The following DYNC2I1 variants were observed in gnomAD, a reference collection of about 807,000 sequenced individuals.
DYNC2I1 encodes the protein cytoplasmic dynein 2 intermediate chain 1.
A neutral mutation model predicts 133.4 loss-of-function variants in DYNC2I1; 89 were observed. That is an observed-to-expected ratio of 0.67 (90% CI 0.56 to 0.80). DYNC2I1 has a LOEUF of 0.80. Ranked by LOEUF, DYNC2I1 falls within the 30% of genes least tolerant of loss-of-function variation. The pLI is 0.00. For synonymous variants in DYNC2I1, 504 were observed against 484.3 expected (o/e 1.04, Z -0.54); for missense variants, 1,291 against 1,314.5 (o/e 0.98, Z 0.28).
chr7:158,921,333 G>A (rs553305810), intron 15 of DYNC2I1, among the ~76,000 whole-genome samples: 315 of 152,224 alleles, frequency 2.1e-3, no homozygotes, highest in Non-Finnish European at 3.6e-3. Context: ...GTGGACAGTG[G>A]GAGGTGAGGT....
chr7:158,901,435 G>A (rs1302680489), intron 8 of DYNC2I1, among the ~76,000 whole-genome samples: 1 of 152,150 alleles, frequency 6.6e-6, no homozygotes, highest in Admixed American at 6.5e-5. Context: ...TATATTCATG[G>A]ATAAGAAATG....
Position 158,934,203 on chromosome 7 carries a change from A to C in DYNC2I1, c.2621A>C (p.Asn874Thr). 6.2e-7 allele frequency: 1 copy of C among 1,612,434 alleles called. No individual in the cohort carries two copies. The highest frequency in any genetic ancestry group is 8.5e-7 in the Non-Finnish European group (1 of 1,179,482). Residue 874 changes from asparagine to threonine, a missense_variant, in exon 22 of 25, where the codon AAT (asparagine) becomes ACT (threonine). Transcript: ENST00000407559. ...LNVKFLPSDP[N>T]HFIIGTDMGL... is the part of the protein sequence containing the mutation. Reference sequence around the variant, plus strand: ...GTTAAATTTCTGCCTTCAGATCCTAATCACTTTATTATTGGCACAGACATG... The same window carrying C: ...GTTAAATTTCTGCCTTCAGATCCTACTCACTTTATTATTGGCACAGACATG...
chr7:158,857,546 T>G (rs545053275), intron 1 of DYNC2I1, among the ~76,000 whole-genome samples: 30 of 148,930 alleles, frequency 2.0e-4, no homozygotes, highest in Non-Finnish European at 3.6e-4. Flanking sequence ...TTTTGTTTTT[T>G]TTTTTTTTTT....
In DYNC2I1 at chr7:158,876,626, G is replaced by T; in HGVS notation, c.508G>T (p.Glu170Ter). Residue 170 changes from glutamate to a stop codon, truncating the protein, a stop_gained, in exon 4 of 25, where the codon GAA becomes TAA. Transcript: ENST00000407559. LOFTEE classifies it high-confidence loss of function. ...TCTTGTAGTAAGTAAAGTAAGAAGT[G>T]AAGAGAAAGATGAAGACTCTGAAAG... ...KGRSVSKVRS[E>*]EKDEDSERGD... The T allele has an allele frequency of 6.3e-7, 1 of 1,578,796 alleles. No individual in the cohort carries two copies. The highest frequency in any genetic ancestry group is 8.6e-7 in the Non-Finnish European group (1 of 1,168,772).
rs776868616 is a variant in DYNC2I1, at chr7:158,926,379, CTTTT to C, written c.2372-21_2372-18del. 4.4e-6 allele frequency: 7 copies of C among 1,607,748 alleles called. No individual in the cohort carries two copies. Among genetic ancestry groups the C allele is most frequent in the East Asian group, 2.2e-5 (1 of 44,726 alleles). ...TTTCCTTATTTAAAGCCATTTCTTT[CTTTT>C]TGTTTCTGTCTTCATCAGAAATGTC... is the stretch of plus-strand genomic sequence containing the variant. On this transcript the variant is annotated intron_variant, in intron 18 of 24. Coordinates refer to ENST00000407559, the MANE Select transcript of DYNC2I1 (RefSeq NM_018051.5).
At chr7:158,888,575 G>A (rs551017609) in intron 7 of DYNC2I1, among the ~76,000 whole-genome samples, 1 of 151,312 alleles carries the variant, frequency 6.6e-6, no homozygotes, top group East Asian at 2.0e-4. Context: ...GGGTTCAAGC[G>A]ATTCGTGCCT....
At chr7:158,939,432 T>C (rs1013888613) in intron 23 of DYNC2I1, among the ~76,000 whole-genome samples, 15 of 152,162 alleles carry the variant, frequency 9.9e-5, no homozygotes, top group African/African-American at 3.4e-4. Context: ...GGTCACAGAA[T>C]GAGATCCCGT....
intron 23 of DYNC2I1, 102 bp from the exon 24 acceptor site, chr7:158,941,822 AG>A: frequency 7.4e-7 from 1 of 1,343,028 alleles, no homozygotes; most frequent in Non-Finnish European, 1.0e-6. Context: ...AGCTGCCATG[AG>A]CTGTGATTGC....
intron 23 of DYNC2I1, among the ~76,000 whole-genome samples, chr7:158,935,139 A>G (rs1174428196): frequency 2.0e-5 from 3 of 152,236 alleles, no homozygotes; most frequent in Non-Finnish European, 4.4e-5. Flanking sequence ...GTTTAACACA[A>G]TAGAAATTAA....
Position 158,939,718 on chromosome 7 carries a change from C to G in DYNC2I1, c.2779-2207C>G, listed in dbSNP as rs566345284. 4.6e-5 allele frequency among the ~76,000 whole-genome samples: 7 copies of G among 152,218 alleles called. No homozygotes were observed. The South Asian group carries it at 1.2e-3, about 27-fold the overall frequency. ...AAACAAGACCCAACTGTAGGCTGCT[C>G]TCAAGAAATTCACTTCACCTATAAA... On this transcript the variant is annotated intron_variant, in intron 23 of 24. Transcript: ENST00000407559.
At chr7:158,915,232 T>A (rs1256189466) in intron 14 of DYNC2I1, among the ~76,000 whole-genome samples, 1 of 151,126 alleles carries the variant, frequency 6.6e-6, no homozygotes, top group Non-Finnish European at 1.5e-5. Context: ...CTGTGAAACA[T>A]CGACATGCTG....
chr7:158,859,080 A>G (rs1184473538), intron 1 of DYNC2I1, among the ~76,000 whole-genome samples: 3 of 143,362 alleles, frequency 2.1e-5, no homozygotes, highest in African/African-American at 7.9e-5. Flanking sequence ...ACTGCAGCCT[A>G]AACCTCCCAG....
At chr7:158,913,524 G>C (rs929852656) in intron 13 of DYNC2I1, among the ~76,000 whole-genome samples, 8 of 152,140 alleles carry the variant, frequency 5.3e-5, no homozygotes, top group Admixed American at 3.9e-4. Context: ...AAGGTCCCTA[G>C]AATATATGGT....
chr7:158,921,469 C>T (rs557670912), intron 15 of DYNC2I1, among the ~76,000 whole-genome samples: 6 of 152,244 alleles, frequency 3.9e-5, no homozygotes, highest in Non-Finnish European at 7.4e-5. Flanking sequence ...TAGGAGAAAA[C>T]GGGGTCAGGT....
intron 1 of DYNC2I1, among the ~76,000 whole-genome samples, chr7:158,857,381 T>G (rs1242756646): frequency 6.6e-6 from 1 of 152,158 alleles, no homozygotes; most frequent in Non-Finnish European, 1.5e-5. Context: ...TATTACTGTA[T>G]TATTCTTATC....
At chr7:158,929,343 G>A (rs1432243372) in intron 20 of DYNC2I1, among the ~76,000 whole-genome samples, 1 of 152,252 alleles carries the variant, frequency 6.6e-6, no homozygotes, top group Admixed American at 6.5e-5. Context: ...CCCGGGAGAG[G>A]GCGAGTGGTG....
chr7:158,952,020 G>A (rs905177216), intron 4 of DYNC2I1, among the ~76,000 whole-genome samples: 8 of 152,154 alleles, frequency 5.3e-5, no homozygotes, highest in East Asian at 1.9e-4. Flanking sequence ...CCTCACAGGC[G>A]TGCATCACCC....
chr7:158,952,471 C>A (rs1444924202), intron 4 of DYNC2I1, among the ~76,000 whole-genome samples: 1 of 152,172 alleles, frequency 6.6e-6, no homozygotes, highest in Non-Finnish European at 1.5e-5. Flanking sequence ...GAGATGGGGT[C>A]TCCAATGCCA....
intron 11 of DYNC2I1, 86 bp from the exon 12 acceptor site, chr7:158,911,464 A>G (rs1409226685): frequency 7.0e-7 from 1 of 1,431,374 alleles, no homozygotes; most frequent in Non-Finnish European, 9.4e-7. Context: ...CATGCATTTA[A>G]CTCTAAGTTT....
Sources: allele counts gnomAD v4.1 joint callset (sites outside exome capture counted in the v4.1 genomes callset), GRCh38; gene constraint gnomAD v4.1.1; transcripts MANE v1.5; gene names NCBI Gene and HGNC (gene_info 2026-07-23, HGNC 2026-07-21).